The following BICC1 variants were observed in gnomAD, a reference collection of about 807,000 sequenced individuals.
The protein encoded by BICC1 is protein bicaudal C homolog 1.
In BICC1, 43 loss-of-function variants were observed where a neutral mutation model predicts 111.0. The observed-to-expected ratio is 0.39, with a 90% CI of 0.30 to 0.50. The LOEUF is 0.50. BICC1 is among the 20% of genes least tolerant of loss of function. The pLI, the probability that BICC1 is intolerant of heterozygous loss-of-function variation, is 0.88. For synonymous variants in BICC1, 467 were observed against 434.4 expected, an observed-to-expected ratio of 1.07 and a Z score of -0.93; for missense variants, 1,091 against 1,203.2, an observed-to-expected ratio of 0.91 and a Z score of 1.38.
chr10:58,734,184 C>A (rs188667345), intron 3 of BICC1, among the ~76,000 whole-genome samples: 1 of 152,330 alleles, frequency 6.6e-6, no homozygotes, highest in Admixed American at 6.5e-5. Context: ...GGAGGGTGAG[C>A]ACCCCCTCTC....
chr10:58,586,901 T>C (rs1844449195), intron 1 of BICC1, among the ~76,000 whole-genome samples: 1 of 152,144 alleles, frequency 6.6e-6, no homozygotes, highest in Non-Finnish European at 1.5e-5. Context: ...TATTATGAAC[T>C]TGTAGCCAGG....
chr10:58,685,445 G>A (rs1420607451), intron 2 of BICC1, among the ~76,000 whole-genome samples: 2 of 152,210 alleles, frequency 1.3e-5, no homozygotes, highest in African/African-American at 4.8e-5. Flanking sequence ...TCTCATTGTT[G>A]TGTCTAATGT....
At chr10:58,595,566 C>T (rs1844784744) in intron 1 of BICC1, among the ~76,000 whole-genome samples, 1 of 152,196 alleles carries the variant, frequency 6.6e-6, no homozygotes, top group Non-Finnish European at 1.5e-5. Flanking sequence ...AAAACTCACT[C>T]AAAACCACAC....
chr10:58,704,776 C>T (rs545405158), intron 3 of BICC1, among the ~76,000 whole-genome samples: 24 of 152,248 alleles, frequency 1.6e-4, no homozygotes, highest in Admixed American at 1.2e-3. Context: ...CACATAATCC[C>T]CAGGCTGAGC....
chr10:58,819,370 A>G (rs1449692495), intron 19 of BICC1, among the ~76,000 whole-genome samples: 1 of 152,182 alleles, frequency 6.6e-6, no homozygotes, highest in Non-Finnish European at 1.5e-5. Flanking sequence ...AATTTAAATT[A>G]TCTTCAATAT....
At chr10:58,539,041 C>T (rs1408839747) in intron 1 of BICC1, among the ~76,000 whole-genome samples, 1 of 151,578 alleles carries the variant, frequency 6.6e-6, no homozygotes, top group African/African-American at 2.4e-5. Flanking sequence ...ATGAATTCCA[C>T]TACTGAGTAT....
intron 3 of BICC1, among the ~76,000 whole-genome samples, chr10:58,735,159 CAT>C (rs1156541516): frequency 2.6e-5 from 4 of 152,220 alleles, no homozygotes; most frequent in African/African-American, 4.8e-5. Flanking sequence ...TTCTTCCACA[CAT>C]GTGTTATCTA....
chr10:58,795,549 T>A (rs1010698600), intron 9 of BICC1, among the ~76,000 whole-genome samples: 1 of 152,078 alleles, frequency 6.6e-6, no homozygotes, highest in Non-Finnish European at 1.5e-5. Flanking sequence ...AAAAATAGAT[T>A]GTAAATGAGA....
chr10:58,640,932 C>T (rs996812351), intron 2 of BICC1, among the ~76,000 whole-genome samples: 3 of 152,196 alleles, frequency 2.0e-5, no homozygotes, highest in African/African-American at 7.2e-5. Context: ...AAAAAGCTTT[C>T]TTAAGTGTCT....
Position 58,803,183 on chromosome 10 carries a change from G to T in BICC1, c.2122G>T (p.Ala708Ser), listed in dbSNP as rs1227038671. 2 of 1,610,494 alleles carry T rather than the reference G, an allele frequency of 1.2e-6. No homozygotes were observed. The highest frequency in any genetic ancestry group is 2.2e-5 in the East Asian group (1 of 44,750). ...SERAAERAAA[A>S]QQNSERAHLA... Reference sequence around the variant, plus strand: ...GCGCGCTGCAGAGAGGGCAGCAGCTGCCCAGCAAAACTCCGAAAGGGCCCA... The same window carrying T: ...GCGCGCTGCAGAGAGGGCAGCAGCTTCCCAGCAAAACTCCGAAAGGGCCCA... Residue 708 changes from alanine (A) to serine (S), a missense_variant, in exon 15 of 21, where the codon GCC becomes TCC. Ala to Ser is a moderately conservative substitution (Grantham distance 99, BLOSUM62 1). Around this residue, in one of 3 missense-constraint regions of BICC1, gnomAD observed 843 missense variants for 900.8 expected, o/e 0.94. Transcript: ENST00000373886.
At chr10:58,657,307 T>A (rs146876138) in intron 2 of BICC1, among the ~76,000 whole-genome samples, 1 of 152,340 alleles carries the variant, frequency 6.6e-6, no homozygotes, top group African/African-American at 2.4e-5. Context: ...GGCGTTTTTG[T>A]CTGCATGCAT....
At chr10:58,672,556 A>G (rs1475696902) in intron 2 of BICC1, among the ~76,000 whole-genome samples, 2 of 152,112 alleles carry the variant, frequency 1.3e-5, no homozygotes, top group African/African-American at 2.4e-5. Flanking sequence ...ATATCATTGC[A>G]CTTTGTAAAT....
At chr10:58,631,404 T>A (rs1197516806) in intron 2 of BICC1, among the ~76,000 whole-genome samples, 3 of 152,132 alleles carry the variant, frequency 2.0e-5, no homozygotes, top group East Asian at 1.9e-4. Flanking sequence ...TCTTTTTTTT[T>A]AAATTCATTG....
At chr10:58,636,812 A>C (rs1489390259) in intron 2 of BICC1, among the ~76,000 whole-genome samples, 2 of 152,150 alleles carry the variant, frequency 1.3e-5, no homozygotes, top group Non-Finnish European at 2.9e-5. Flanking sequence ...AATGGGGATA[A>C]TTCCTCATAG....
intron 3 of BICC1, 73 bp downstream of exon 3, chr10:58,702,216 G>A: frequency 8.4e-7 from 1 of 1,191,526 alleles, no homozygotes; most frequent in Non-Finnish European, 1.2e-6. Context: ...GTTTGCTGGG[G>A]AGAAAACTAA....
rs757054959 is a variant in BICC1, at chr10:58,788,397, G to A, written c.574G>A (p.Val192Ile). The change falls in exon 6 of 21, where the codon GTA (valine) becomes ATA (isoleucine). Residue 192 changes from valine (V) to isoleucine (I), a missense_variant. Coordinates refer to ENST00000373886, the MANE Select transcript of BICC1 (RefSeq NM_001080512.3). ...ATCTATAGCGGGACAACCAGCAGGA[G>A]TAGAATCTGCCCGAGTTAGAATTCG... ...QVSIAGQPAGVESARVRIREL... is the reference protein window; with the variant it reads ...QVSIAGQPAGIESARVRIREL... The A allele has an allele frequency of 1.2e-6, 2 of 1,611,590 alleles. No homozygotes were observed. Among genetic ancestry groups the A allele is most frequent in the African/African-American group, 1.3e-5 (1 of 74,976 alleles).
chr10:58,742,431 ATTTTTTTT>A (rs554670544), intron 3 of BICC1, among the ~76,000 whole-genome samples: 22 of 94,170 alleles, frequency 2.3e-4, no homozygotes, highest in African/African-American at 8.6e-4. Context: ...GTATGCTTTA[ATTTTTTTT>A]TTTTTTTTTT....
chr10:58,653,726 A>C (rs1244499133), intron 2 of BICC1, among the ~76,000 whole-genome samples: 2 of 150,910 alleles, frequency 1.3e-5, no homozygotes, highest in Non-Finnish European at 2.9e-5. Context: ...ACATGTGCAC[A>C]TTGTGCAGTT....
chr10:58,735,028 T>A (rs1489092616), intron 3 of BICC1, among the ~76,000 whole-genome samples: 1 of 152,198 alleles, frequency 6.6e-6, no homozygotes, highest in African/African-American at 2.4e-5. Context: ...ACAGTGACCC[T>A]TCTGACAAAG....
Sources: allele counts gnomAD v4.1 joint callset (sites outside exome capture counted in the v4.1 genomes callset), GRCh38; gene constraint gnomAD v4.1.1; regional missense constraint gnomAD v4.1.1; transcripts MANE v1.5; gene names NCBI Gene and HGNC (gene_info 2026-07-23, HGNC 2026-07-21).